HSF2BP: variants seen among roughly 807,000 people sequenced by gnomAD.
HSF2BP encodes heat shock transcription factor 2 binding protein, also known as heat shock factor 2-binding protein.
Under a neutral mutation model 35.0 loss-of-function variants are expected in HSF2BP, and 35 were observed. That is an observed-to-expected ratio of 1.00 (90% CI 0.76 to 1.32). The LOEUF (loss-of-function observed/expected upper bound fraction) is 1.32, where lower values mean the gene tolerates loss of function less well. Among genes scored for constraint, HSF2BP ranks in the 40% most tolerant of loss-of-function variants. The pLI is 0.00. For missense variants in HSF2BP, 326 were observed against 321.7 expected (o/e 1.01, Z -0.10); for synonymous variants, 114 against 117.4 (o/e 0.97, Z 0.18).
intron 5 of HSF2BP, among the ~76,000 whole-genome samples, chr21:43,632,678 C>A (rs1601700484): frequency 1.3e-5 from 2 of 152,124 alleles, no homozygotes; most frequent in Non-Finnish European, 2.9e-5. Context: ...CCTCTTCAGC[C>A]TACTCAATTT....
intron 5 of HSF2BP, among the ~76,000 whole-genome samples, chr21:43,630,768 T>C (rs1410853826): frequency 6.6e-6 from 1 of 152,174 alleles, no homozygotes; most frequent in Non-Finnish European, 1.5e-5. Flanking sequence ...ATGCTGCCTA[T>C]TTGCTCTGGG....
intron 4 of HSF2BP, among the ~76,000 whole-genome samples, chr21:43,642,398 C>A (rs145192237): frequency 6.6e-6 from 1 of 152,178 alleles, no homozygotes; most frequent in East Asian, 1.9e-4. Context: ...TTTCTAGAGT[C>A]CCTCCTCATG....
intron 6 of HSF2BP, among the ~76,000 whole-genome samples, chr21:43,627,748 G>A (rs1601691287): frequency 6.6e-6 from 1 of 152,130 alleles, no homozygotes; most frequent in Non-Finnish European, 1.5e-5. Flanking sequence ...ACTTTATTGT[G>A]CTTTGCAGAT....
At position 43,631,110 on chromosome 21, in the gene HSF2BP, A is replaced by G. The variant is rs568344849; in HGVS notation, c.442-656T>C. On this transcript the variant is annotated intron_variant, in intron 5 of 8. Coordinates refer to ENST00000291560, the MANE Select transcript of HSF2BP (RefSeq NM_007031.2). ...AATGCAACTCTAAAAATTTGCTAAA[A>G]ACCACTAAATTGTACATTTACAATC... Among the ~76,000 whole-genome samples the G allele has an allele frequency of 3.3e-4, 51 of 152,356 alleles. 1 individual carries two copies. Among genetic ancestry groups the G allele is most frequent in the African/African-American group, 1.0e-3 (43 of 41,578 alleles).
chr21:43,627,481 ATC>A (rs1280227051), intron 6 of HSF2BP, among the ~76,000 whole-genome samples: 1 of 152,194 alleles, frequency 6.6e-6, no homozygotes, highest in East Asian at 1.9e-4. Context: ...ATGCAAACTC[ATC>A]TGTTTCCTTC....
At chr21:43,657,960 C>A in intron 2 of HSF2BP, 101 bp downstream of exon 2, 1 of 1,520,982 alleles carries the variant, frequency 6.6e-7, no homozygotes, top group Non-Finnish European at 8.8e-7. Context: ...CCCCCAAGCA[C>A]GCGACAGCGA....
At position 43,630,372 on chromosome 21, in the gene HSF2BP, A is replaced by G; in HGVS notation, c.524T>C (p.Leu175Pro). ...AACAAACTGACTTTCATCCGAATCC[A>G]GCTCCTGGACATCACCGTCTAACGA... ...VKSLDGDVQE[L>P]DSDESQFVFA... Residue 175 changes from leucine (L) to proline (P), a missense_variant, in exon 6 of 9, where the codon CTG (leucine) becomes CCG (proline). Transcript: ENST00000291560. The G allele has an allele frequency of 1.2e-6, 2 of 1,613,350 alleles. No individual in the cohort carries two copies. The highest frequency in any genetic ancestry group is 2.2e-5 in the South Asian group (2 of 90,850).
chr21:43,609,734 G>T (rs1261617625), intron 7 of HSF2BP, among the ~76,000 whole-genome samples: 1 of 152,188 alleles, frequency 6.6e-6, no homozygotes, highest in African/African-American at 2.4e-5. Flanking sequence ...GACGGAACAA[G>T]CCATGAGCAT....
intron 8 of HSF2BP, 98 bp downstream of exon 8, chr21:43,592,127 A>G: frequency 1.4e-6 from 1 of 736,160 alleles, no homozygotes; most frequent in South Asian, 1.6e-5. Flanking sequence ...CTCTGGTTTC[A>G]GACATCTACT....
At chr21:43,592,183 A>T in intron 8 of HSF2BP, 42 bp downstream of exon 8, 1 of 1,346,540 alleles carries the variant, frequency 7.4e-7, no homozygotes, top group Non-Finnish European at 1.1e-6. Flanking sequence ...GGACTACTGC[A>T]TAACCCGTAC....
At chr21:43,636,204 G>GAAAGAAAAGAAAAGA (rs200084779) in intron 4 of HSF2BP, among the ~76,000 whole-genome samples, 245 of 106,932 alleles carry the variant, frequency 2.3e-3, no homozygotes, top group Middle Eastern at 0.013. Context: ...AGAAAAAAAA[G>GAAAGAAAAGAAAAGA]AAAGAAAAGA....
intron 4 of HSF2BP, among the ~76,000 whole-genome samples, chr21:43,638,787 G>T (rs1174206648): frequency 2.0e-5 from 3 of 152,156 alleles, no homozygotes; most frequent in African/African-American, 7.2e-5. Flanking sequence ...CAAGGTTTTT[G>T]TAGACATAAA....
rs572798096 is a variant in HSF2BP, at chr21:43,659,118, C to T, written c.-225+268G>A. ...TTTGAGACCAGCTTGGGCAACATAGCGAGACACCGTCTCTACAAAAAAATA... is the reference window on the plus strand; with the variant it reads ...TTTGAGACCAGCTTGGGCAACATAGTGAGACACCGTCTCTACAAAAAAATA... On this transcript the variant is annotated intron_variant, in intron 1 of 8. Transcript: ENST00000291560. This position sits in a 1 kb window ranked among gnomAD's most constrained non-coding sequence, Gnocchi z 4.2. Among the ~76,000 whole-genome samples the T allele has an allele frequency of 9.0e-4, 137 of 152,188 alleles. No individual in the cohort carries two copies. The highest frequency in any genetic ancestry group is 3.4e-3 in the Middle Eastern group (1 of 294).
chr21:43,646,146 T>TAA (rs528851853), intron 3 of HSF2BP, among the ~76,000 whole-genome samples: 53 of 129,676 alleles, frequency 4.1e-4, no homozygotes, highest in African/African-American at 7.6e-4. Flanking sequence ...TCCCATCTCT[T>TAA]AAAAAAAAAA....
intron 6 of HSF2BP, among the ~76,000 whole-genome samples, chr21:43,628,229 C>G (rs1391474732): frequency 1.3e-5 from 2 of 152,216 alleles, no homozygotes; most frequent in African/African-American, 4.8e-5. Context: ...AAGCTGAGAC[C>G]TGCTGAAAGT....
At chr21:43,594,105 G>T (rs888646764) in intron 7 of HSF2BP, among the ~76,000 whole-genome samples, 1 of 151,892 alleles carries the variant, frequency 6.6e-6, no homozygotes, top group African/African-American at 2.4e-5. Context: ...ATCTACCAAG[G>T]GTAAAGAGAA....
chr21:43,573,309 T>C (rs1158389985), intron 8 of HSF2BP, among the ~76,000 whole-genome samples: 3 of 152,168 alleles, frequency 2.0e-5, no homozygotes, highest in Admixed American at 1.3e-4. Context: ...GGTGGGCCCA[T>C]GGCGGGGTGT....
chr21:43,638,314 C>T (rs556363359), intron 4 of HSF2BP, among the ~76,000 whole-genome samples: 1 of 152,196 alleles, frequency 6.6e-6, no homozygotes, highest in South Asian at 2.1e-4. Context: ...AAAAATTACC[C>T]AGGCATGGTG....
intron 3 of HSF2BP, among the ~76,000 whole-genome samples, chr21:43,646,938 G>C (rs567820760): frequency 6.6e-6 from 1 of 152,312 alleles, no homozygotes; most frequent in African/African-American, 2.4e-5. Flanking sequence ...AAAGCACCCT[G>C]AAGGCAGGGA....
Sources: gnomAD v4.1 joint callset for allele counts (sites outside exome capture counted in the v4.1 genomes callset) on GRCh38, gnomAD v4.1.1 for gene constraint, Gnocchi (gnomAD v3.1) non-coding constraint, MANE v1.5 for transcripts, NCBI Gene and HGNC (gene_info 2026-07-23, HGNC 2026-07-21) for gene names.